The following MRPS18C variants were observed in gnomAD, a reference collection of about 807,000 sequenced individuals.
The protein encoded by MRPS18C is mitochondrial ribosomal protein S18C, also known as small ribosomal subunit protein bS18m.
MRPS18C carries 21 observed loss-of-function variants against 21.0 expected under a neutral mutation model. The ratio of observed to expected loss-of-function variants is 1.00; its 90% CI spans 0.71 to 1.44. MRPS18C has a LOEUF of 1.44. MRPS18C is among the 40% of genes most tolerant of loss of function. The probability of loss-of-function intolerance (pLI) is 0.00; values close to 1 mark genes in which losing one functional copy is unlikely to be tolerated. For synonymous variants in MRPS18C, 65 were observed against 54.3 expected (o/e 1.20, Z -0.87); for missense variants, 152 against 171.5 (o/e 0.89, Z 0.64).
chr4:83,460,975 C>G lies in MRPS18C; in HGVS notation c.295C>G (p.Leu99Val), dbSNP rs765788201. The G allele has an allele frequency of 1.3e-4, 203 of 1,603,364 alleles. No individual in the cohort carries two copies. Among genetic ancestry groups the G allele is most frequent in the Non-Finnish European group, 1.7e-4 (199 of 1,177,122 alleles). ...TAAGAAAGCTTTTTATTTTACAGGT[C>G]TTTGTGGGAAGAAACAGAAAGAAAT... ...GCIYGRHITG[L>V]CGKKQKEITK... The change falls in exon 5 of 6, where the codon CTT becomes GTT. Residue 99 changes from leucine to valine, a missense_variant and splice_region_variant. Leu to Val is a conservative substitution (Grantham distance 32). This residue lies in a region of MRPS18C where 34 missense variants were observed against 67.1 expected (regional missense o/e 0.51). Transcript: ENST00000295491.
intron 2 of MRPS18C, chr4:83,457,932 T>C (rs1351768427): frequency 1.1e-5 from 2 of 188,684 alleles, no homozygotes; most frequent in African/African-American, 4.8e-5. Context: ...TCATGGGCCA[T>C]TATCTGTGTA....
At position 83,461,152 on chromosome 4, in the gene MRPS18C, A is replaced by G. The variant is rs1311683034; in HGVS notation, c.384A>G (p.Ala128=). 1.9e-6 allele frequency: 3 copies of G among 1,613,326 alleles called. No individual in the cohort carries two copies. Residue 128 remains alanine, a synonymous_variant, in exon 6 of 6, where the codon GCA becomes GCG. Transcript: ENST00000295491. ...GFMPVTYKDP[A]YLKDPKVCNI... Reference sequence around the variant, plus strand: ...TGCCAGTTACATACAAGGATCCTGCATATCTCAAGGACCCTAAAGTTTGTA... The same window carrying G: ...TGCCAGTTACATACAAGGATCCTGCGTATCTCAAGGACCCTAAAGTTTGTA...
rs768910559 is a variant in MRPS18C, at chr4:83,458,372, A to G, written c.177A>G (p.Lys59=). The G allele has an allele frequency of 1.9e-6, 3 of 1,605,070 alleles. No individual in the cohort carries two copies. Among genetic ancestry groups the G allele is most frequent in the Non-Finnish European group, 2.6e-6 (3 of 1,172,858 alleles). Residue 59 remains lysine (K), a synonymous_variant, in exon 3 of 6, where the codon AAA becomes AAG. Transcript: ENST00000295491. ...DLPISMENPY[K]EPLKKCILCG... ...CCATTTCAATGGAAAATCCTTATAA[A>G]GAACCTCTTAAGAAATGTATCTTGT...
chr4:83,459,736 A>G lies in MRPS18C; in HGVS notation c.235-4A>G. 1.2e-6 allele frequency: 2 copies of G among 1,608,832 alleles called. No homozygotes were observed. Among genetic ancestry groups the G allele is most frequent in the Non-Finnish European group, 1.7e-6 (2 of 1,177,606 alleles). ...TTTCCCCTCCACATAAAACTCCAAA[A>G]CAGCTTTTGTCCCAGTTTGTTTCTC... On this transcript the variant is annotated splice_region_variant and splice_polypyrimidine_tract_variant and intron_variant, in intron 3 of 5. Coordinates refer to ENST00000295491, the MANE Select transcript of MRPS18C (RefSeq NM_016067.4).
At position 83,461,266 on chromosome 4, in the gene MRPS18C, A is replaced by C. The variant is rs1339086180; in HGVS notation, c.*69A>C. The C allele has an allele frequency of 2.2e-6, 3 of 1,354,908 alleles. No homozygotes were observed. The highest frequency in any genetic ancestry group is 2.9e-5 in the African/African-American group (2 of 69,606). 83.9% of individuals were successfully genotyped at this position (1,354,908 alleles called of 1,614,324 possible). ...GTTGTATGATGCCAATACTGACTCA[A>C]ACCAACCTTTGGATAGAAAAGTGTT... On this transcript the variant is annotated 3_prime_UTR_variant, in exon 6 of 6. Coordinates refer to ENST00000295491, the MANE Select transcript of MRPS18C (RefSeq NM_016067.4).
chr4:83,459,720 C>CAA lies in MRPS18C; in HGVS notation c.235-19_235-18insAA. On this transcript the variant is annotated intron_variant, in intron 3 of 5. Transcript: ENST00000295491. Reference sequence around the variant, plus strand: ...ATAACAGATACTTTTTTTTCCCCTCCACATAAAACTCCAAAACAGCTTTTG... The same window carrying CAA: ...ATAACAGATACTTTTTTTTCCCCTCCAAACATAAAACTCCAAAACAGCTTTTG... The CAA allele has an allele frequency of 6.3e-7, 1 of 1,599,184 alleles. No individual in the cohort carries two copies. Among genetic ancestry groups the CAA allele is most frequent in the East Asian group, 2.3e-5 (1 of 44,436 alleles).
intron 4 of MRPS18C, chr4:83,460,373 T>G (rs1722042003): frequency 6.6e-6 from 1 of 152,198 alleles, no homozygotes; most frequent in African/African-American, 2.4e-5. Context: ...CAGGCTGGTC[T>G]TGAATTCCTG....
Position 83,461,206 on chromosome 4 carries a change from A to G in MRPS18C, c.*9A>G. 6.2e-7 allele frequency: 1 copy of G among 1,608,874 alleles called. No individual in the cohort carries two copies. Among genetic ancestry groups the G allele is most frequent in the South Asian group, 1.1e-5 (1 of 90,880 alleles). On this transcript the variant is annotated 3_prime_UTR_variant, in exon 6 of 6. Coordinates refer to ENST00000295491, the MANE Select transcript of MRPS18C (RefSeq NM_016067.4). ...TCAGATATCGGGAATAAATTCTATCACGTTACCACTAATAAACTTATTTTA... is the reference window on the plus strand; with the variant it reads ...TCAGATATCGGGAATAAATTCTATCGCGTTACCACTAATAAACTTATTTTA...
At chr4:83,459,891 C>A in intron 4 of MRPS18C, 94 bp downstream of exon 4, 1 of 1,025,358 alleles carries the variant, frequency 9.8e-7, no homozygotes, top group Non-Finnish European at 1.5e-6. Flanking sequence ...TCAAATTGTG[C>A]TATAAATTAC....
chr4:83,458,139 A>C (rs1721934769), intron 2 of MRPS18C: 1 of 445,124 alleles, frequency 2.2e-6, no homozygotes. Context: ...ATAAAATTTT[A>C]TTCTATGAAG....
Position 83,461,271 on chromosome 4 carries a change from A to C in MRPS18C, c.*74A>C, listed in dbSNP as rs550697211. ...ATGATGCCAATACTGACTCAAACCAACCTTTGGATAGAAAAGTGTTTGAGG... is the reference window on the plus strand; with the variant it reads ...ATGATGCCAATACTGACTCAAACCACCCTTTGGATAGAAAAGTGTTTGAGG... On this transcript the variant is annotated 3_prime_UTR_variant, in exon 6 of 6. Transcript: ENST00000295491. 7.8e-7 allele frequency: 1 copy of C among 1,280,090 alleles called. No homozygotes were observed. The highest frequency in any genetic ancestry group is 1.1e-6 in the Non-Finnish European group (1 of 881,888). The allele number at this position is 1,280,090 out of a possible 1,614,324, so 79.3% of individuals were successfully genotyped here.
chr4:83,458,071 C>A, intron 2 of MRPS18C: 1 of 310,118 alleles, frequency 3.2e-6, no homozygotes, highest in African/African-American at 2.2e-5. Context: ...TTTTCATTAT[C>A]TACAATCTGA....
chr4:83,456,305 G>T, intron 1 of MRPS18C, 128 bp downstream of exon 1: 1 of 790,224 alleles, frequency 1.3e-6, no homozygotes, highest in Non-Finnish European at 2.1e-6. Flanking sequence ...CAAGATGGGT[G>T]GGAATCTGTA....
chr4:83,458,026 CTATT>C (rs745963617), intron 2 of MRPS18C: 1 of 267,422 alleles, frequency 3.7e-6, no homozygotes, highest in Non-Finnish European at 7.0e-6. Flanking sequence ...CATATGTTAT[CTATT>C]GTGTTGTAAG....
At chr4:83,457,299 A>G in intron 2 of MRPS18C, 1 of 194,920 alleles carries the variant, frequency 5.1e-6, no homozygotes, top group South Asian at 1.2e-4. Flanking sequence ...AGCAAATGAT[A>G]TGGGAATTTT....
At chr4:83,459,584 A>G in intron 3 of MRPS18C, 156 bp from the exon 4 acceptor site, 2 of 618,256 alleles carry the variant, frequency 3.2e-6, no homozygotes. Context: ...TTAAAAGGTA[A>G]CAGGAGGATA....
In MRPS18C at chr4:83,461,838, G is replaced by A. The variant is rs1380990000; in HGVS notation, c.*641G>A. The A allele has an allele frequency of 4.4e-6, 1 of 227,828 alleles. No homozygotes were observed. Among genetic ancestry groups the A allele is most frequent in the Non-Finnish European group, 8.7e-6 (1 of 114,854 alleles). The allele number at this position is 227,828 out of a possible 1,614,324, so 14.1% of individuals were successfully genotyped here. ...ACTGTTTGTGTTGTGTTATAGTTGT[G>A]TAATAATTAAGGCTGCCAGATTTAG... On this transcript the variant is annotated 3_prime_UTR_variant, in exon 6 of 6. Transcript: ENST00000295491.
rs146170506 is a variant in MRPS18C, at chr4:83,456,102, G to A, written c.25G>A (p.Gly9Ser). 759 of 1,612,832 alleles carry A rather than the reference G, an allele frequency of 4.7e-4. 3 individuals carry two copies. In the African/African-American group the frequency reaches 9.0e-3, roughly 19 times the overall value. Reference protein sequence around the residue: MAAVVAVCGGLGRKKLTHL... With the variant: MAAVVAVCSGLGRKKLTHL... The stretch of plus-strand genomic sequence containing the variant: ...CATGGCCGCTGTGGTTGCTGTTTGC[G>A]GTGGTCTAGGGAGGAAGAAGTTGAC... The change falls in exon 1 of 6, where the codon GGT becomes AGT. Residue 9 changes from glycine to serine, a missense_variant. Gly to Ser is a moderately conservative substitution (Grantham distance 56). This residue lies in a region of MRPS18C where 118 missense variants were observed against 104.4 expected (regional missense o/e 1.13). Transcript: ENST00000295491.
chr4:83,458,280 A>C, intron 2 of MRPS18C, 66 bp from the exon 3 acceptor site: 1 of 1,107,944 alleles, frequency 9.0e-7, no homozygotes, highest in Non-Finnish European at 1.4e-6. Flanking sequence ...TTGAATGTAG[A>C]ATAGTAACCT....
Sources: allele counts gnomAD v4.1 joint callset, GRCh38; gene constraint gnomAD v4.1.1; regional missense constraint gnomAD v4.1.1; transcripts MANE v1.5; gene names NCBI Gene and HGNC (gene_info 2026-07-23, HGNC 2026-07-21).